Variants in IPCEF1 observed in about 807,000 individuals in gnomAD.
IPCEF1 encodes interactor protein for cytohesin exchange factors 1.
A neutral mutation model predicts 50.9 loss-of-function variants in IPCEF1; 31 were observed. That is an observed-to-expected ratio of 0.61 (90% confidence interval 0.46 to 0.82). The LOEUF (loss-of-function observed/expected upper bound fraction) is 0.82, where lower values mean the gene tolerates loss of function less well. Among genes scored for constraint, IPCEF1 ranks in the 40% least tolerant of loss-of-function variants. The probability of loss-of-function intolerance (pLI) is 0.00; values close to 1 mark genes in which losing one functional copy is unlikely to be tolerated. For synonymous variants in IPCEF1, 181 were observed against 192.0 expected (o/e 0.94, Z 0.47); for missense variants, 458 against 514.0 (o/e 0.89, Z 1.05).
intron 1 of IPCEF1, among the ~76,000 whole-genome samples, chr6:154,293,845 A>G (rs891446762): frequency 6.6e-6 from 1 of 152,254 alleles, no homozygotes; most frequent in Non-Finnish European, 1.5e-5. Flanking sequence ...GCTTAAATAT[A>G]TAAATTGGGG....
intron 1 of IPCEF1, among the ~76,000 whole-genome samples, chr6:154,347,220 C>T (rs1230110790): frequency 6.6e-6 from 1 of 152,196 alleles, no homozygotes; most frequent in Non-Finnish European, 1.5e-5. Flanking sequence ...TATGTAGCAT[C>T]CTTTTCCTTA....
rs547925395 is a variant in IPCEF1 at position 154,177,953 on chromosome 6, G to A, written c.911-9840C>T. 1.2e-3 allele frequency among the ~76,000 whole-genome samples: 182 copies of A among 152,220 alleles called. 1 individual carries two copies. The highest frequency in any genetic ancestry group is 3.4e-3 in the Admixed American group (52 of 15,290). On this transcript the variant is annotated intron_variant, in intron 10 of 11. Transcript: ENST00000367220. The stretch of plus-strand genomic sequence containing the variant: ...TCACATATACACCATGGGATACTAC[G>A]CAGCCATAAAAAAGGATGAGTTCAT...
rs564455457 is a variant in IPCEF1, at chr6:154,168,697, C to T, written c.911-584G>A. On this transcript the variant is annotated intron_variant, in intron 10 of 11. Coordinates refer to ENST00000367220, the MANE Select transcript of IPCEF1 (RefSeq NM_001130700.2). This position sits in a 1 kb window ranked among gnomAD's most constrained non-coding sequence, Gnocchi z 4.1. ...CTTGGCTCACTGAAACCTACACCTC[C>T]CAGGTTCAAGTGATTCTCCTGTCTC... Among the ~76,000 whole-genome samples the T allele has an allele frequency of 2.0e-4, 30 of 152,134 alleles. No homozygotes were observed. The highest frequency in any genetic ancestry group is 6.7e-4 in the African/African-American group (28 of 41,510).
At chr6:154,292,450 G>A (rs529252260) in intron 1 of IPCEF1, among the ~76,000 whole-genome samples, 1 of 152,332 alleles carries the variant, frequency 6.6e-6, no homozygotes, top group South Asian at 2.1e-4. Flanking sequence ...ACAATCGCAT[G>A]AGGTAGGTTT....
At chr6:154,281,239 G>C (rs916963371) in intron 2 of IPCEF1, among the ~76,000 whole-genome samples, 2 of 147,874 alleles carry the variant, frequency 1.4e-5, no homozygotes, top group South Asian at 4.4e-4. Context: ...TGTAATCCCA[G>C]CTACTTGGGA....
chr6:154,207,555 TGG>T (rs200081528), intron 9 of IPCEF1, among the ~76,000 whole-genome samples: 2 of 102,718 alleles, frequency 1.9e-5, no homozygotes, highest in Non-Finnish European at 2.3e-5. Context: ...TTAAACTTTT[TGG>T]GGTTTTTTTT....
intron 3 of IPCEF1, among the ~76,000 whole-genome samples, chr6:154,259,640 G>A (rs767482090): frequency 3.0e-4 from 46 of 151,932 alleles, no homozygotes; most frequent in Non-Finnish European, 4.6e-4. Flanking sequence ...CAATAAGAGC[G>A]AAACTCTGTC....
chr6:154,176,224 T>C (rs1334686727), intron 10 of IPCEF1, among the ~76,000 whole-genome samples: 2 of 152,214 alleles, frequency 1.3e-5, no homozygotes, highest in African/African-American at 4.8e-5. Flanking sequence ...TCATACTGAA[T>C]GGGCAAAAAC....
intron 3 of IPCEF1, among the ~76,000 whole-genome samples, chr6:154,262,731 C>A (rs1387660817): frequency 1.4e-5 from 2 of 144,800 alleles, no homozygotes; most frequent in Non-Finnish European, 3.0e-5. Context: ...TTTTTTATGT[C>A]TTTGTTCCAA....
chr6:154,259,142 A>G (rs1299103564), intron 3 of IPCEF1, among the ~76,000 whole-genome samples: 2 of 152,230 alleles, frequency 1.3e-5, no homozygotes, highest in East Asian at 1.9e-4. Context: ...ACTCCCAAAG[A>G]GGCACATCCA....
chr6:154,340,821 G>A (rs1339394356), intron 1 of IPCEF1, among the ~76,000 whole-genome samples: 1 of 150,160 alleles, frequency 6.7e-6, no homozygotes, highest in Non-Finnish European at 1.5e-5. Context: ...GGAGGCAGAG[G>A]TTGCGGTGAG....
chr6:154,287,884 C>T (rs773519181), intron 2 of IPCEF1, among the ~76,000 whole-genome samples: 2 of 152,174 alleles, frequency 1.3e-5, no homozygotes, highest in Admixed American at 6.5e-5. Context: ...ATATAAAAAG[C>T]ATCACTTAAA....
Position 154,159,994 on chromosome 6 carries a change from G to GGGTCATCCAGCAACT in IPCEF1, c.1136_1150dup (p.Gln379_Asp383dup). 1 of 1,612,550 alleles carries GGGTCATCCAGCAACT rather than the reference G, an allele frequency of 6.2e-7. No individual in the cohort carries two copies. Among genetic ancestry groups the GGGTCATCCAGCAACT allele is most frequent in the East Asian group, 2.2e-5 (1 of 44,880 alleles). On this transcript the variant is annotated inframe_insertion, in exon 12 of 12. Transcript: ENST00000367220. ...TCTGTATTTCCTGGCTGTCAGCTTC[G>GGGTCATCCAGCAACT]GGTCATCCAGCAACTGGTTAATCAT...
chr6:154,260,608 A>G (rs1781574159), intron 3 of IPCEF1, among the ~76,000 whole-genome samples: 2 of 151,742 alleles, frequency 1.3e-5, no homozygotes, highest in Non-Finnish European at 2.9e-5. Context: ...GAGTAGCTGG[A>G]ATTACAGGCA....
intron 2 of IPCEF1, among the ~76,000 whole-genome samples, chr6:154,269,962 C>T (rs1781861861): frequency 6.6e-6 from 1 of 152,078 alleles, no homozygotes; most frequent in Non-Finnish European, 1.5e-5. Context: ...ATAAAGTACA[C>T]AATAAAAGCA....
At chr6:154,287,295 T>C (rs1782387994) in intron 2 of IPCEF1, among the ~76,000 whole-genome samples, 1 of 152,038 alleles carries the variant, frequency 6.6e-6, no homozygotes, top group African/African-American at 2.4e-5. Flanking sequence ...TGTGGAACTA[T>C]GGGCCAATTA....
intron 10 of IPCEF1, among the ~76,000 whole-genome samples, chr6:154,194,615 C>T (rs1266614352): frequency 6.6e-6 from 1 of 152,124 alleles, no homozygotes; most frequent in Admixed American, 6.5e-5. Context: ...TCTCCCATAC[C>T]TTTGCCCCAG....
intron 5 of IPCEF1, among the ~76,000 whole-genome samples, chr6:154,235,975 C>T (rs1242584548): frequency 1.3e-5 from 2 of 152,316 alleles, no homozygotes; most frequent in Non-Finnish European, 2.9e-5. Flanking sequence ...AACAGTGTAG[C>T]TGCTATGCAA....
chr6:154,276,374 G>A (rs991519339), intron 2 of IPCEF1, among the ~76,000 whole-genome samples: 1 of 151,998 alleles, frequency 6.6e-6, no homozygotes, highest in Non-Finnish European at 1.5e-5. Flanking sequence ...TGCAAAGGTC[G>A]TGCCCAAGGG....
Sources: gnomAD v4.1 joint callset for allele counts (sites outside exome capture counted in the v4.1 genomes callset) on GRCh38, gnomAD v4.1.1 for gene constraint, Gnocchi (gnomAD v3.1) non-coding constraint, MANE v1.5 for transcripts, NCBI Gene and HGNC (gene_info 2026-07-23, HGNC 2026-07-21) for gene names.